Variants in TENM4 observed in about 807,000 individuals in gnomAD.
The protein encoded by TENM4 is teneurin-4.
A neutral mutation model predicts 243.3 loss-of-function variants in TENM4; 82 were observed. That is an observed-to-expected ratio of 0.34 (90% confidence interval 0.28 to 0.40). The LOEUF (loss-of-function observed/expected upper bound fraction) is 0.40. TENM4 is among the 10% of genes least tolerant of loss of function. The pLI is 1.00. For missense variants in TENM4, 3,138 were observed against 3,673.3 expected (o/e 0.85, Z 3.77); for synonymous variants, 1,412 against 1,456.3 (o/e 0.97, Z 0.69).
At chr11:78,765,232 T>G (rs1429891798) in intron 18 of TENM4, among the ~76,000 whole-genome samples, 1 of 152,254 alleles carries the variant, frequency 6.6e-6, no homozygotes, top group Non-Finnish European at 1.5e-5. Context: ...TGTCATTTGC[T>G]ATAATAAATT....
In TENM4 at chr11:78,670,504, G is replaced by A. The variant is rs752252798; in HGVS notation, c.5841C>T (p.Phe1947=). Residue 1947 remains phenylalanine (F), a synonymous_variant, in exon 32 of 34, where the codon TTC becomes TTT. Coordinates refer to ENST00000278550, the MANE Select transcript of TENM4 (RefSeq NM_001098816.3). The part of the protein sequence containing the change: ...LHSQRQYIFE[F]DKNDRLSSVT... Reference sequence around the variant, plus strand: ...CAGAAGAGAGGCGGTCATTCTTGTCGAACTCAAAGATATACTGCCTCTGGC... The same window carrying A: ...CAGAAGAGAGGCGGTCATTCTTGTCAAACTCAAAGATATACTGCCTCTGGC... 6 of 1,613,068 alleles carry A rather than the reference G, an allele frequency of 3.7e-6. No individual in the cohort carries two copies. The highest frequency in any genetic ancestry group is 1.7e-5 in the Admixed American group (1 of 59,962).
At chr11:79,142,295 A>G (rs1292323822) in intron 4 of TENM4, among the ~76,000 whole-genome samples, 1 of 152,148 alleles carries the variant, frequency 6.6e-6, no homozygotes, top group Non-Finnish European at 1.5e-5. Flanking sequence ...GCAGGGTACA[A>G]AATCAATGTA....
intron 1 of TENM4, among the ~76,000 whole-genome samples, chr11:79,418,026 G>C (rs1387950496): frequency 6.6e-6 from 1 of 152,124 alleles, no homozygotes; most frequent in Admixed American, 6.5e-5. Flanking sequence ...ACTTTAAACG[G>C]TGTATGTATC....
At chr11:78,775,448 T>C (rs969277104) in intron 17 of TENM4, among the ~76,000 whole-genome samples, 15 of 152,230 alleles carry the variant, frequency 9.9e-5, no homozygotes, top group African/African-American at 3.4e-4. Context: ...GAATCACAAA[T>C]GTGGAAATCC....
chr11:79,293,531 A>AG (rs1484808751), intron 2 of TENM4, among the ~76,000 whole-genome samples: 3 of 151,536 alleles, frequency 2.0e-5, no homozygotes, highest in Non-Finnish European at 3.0e-5. Flanking sequence ...GAAAAAAAAA[A>AG]AGAAAAAAAA....
intron 1 of TENM4, among the ~76,000 whole-genome samples, chr11:79,403,585 G>A (rs1034700803): frequency 2.0e-5 from 3 of 152,106 alleles, no homozygotes; most frequent in Admixed American, 6.6e-5. Flanking sequence ...AAACTAAATT[G>A]CAATGCTGTT....
intron 12 of TENM4, among the ~76,000 whole-genome samples, chr11:78,835,922 G>A (rs552762325): frequency 6.6e-6 from 1 of 152,228 alleles, no homozygotes; most frequent in Non-Finnish European, 1.5e-5. Flanking sequence ...CCTGACCAGA[G>A]TGCAAGGCAT....
chr11:79,122,819 A>G (rs1861770440), intron 4 of TENM4, among the ~76,000 whole-genome samples: 1 of 152,210 alleles, frequency 6.6e-6, no homozygotes, highest in Non-Finnish European at 1.5e-5. Context: ...AGGTCAGGAG[A>G]ACTCTACACA....
At chr11:79,271,568 G>T (rs998195185) in intron 2 of TENM4, among the ~76,000 whole-genome samples, 2 of 152,196 alleles carry the variant, frequency 1.3e-5, no homozygotes, top group African/African-American at 4.8e-5. Context: ...CCTCATGAGG[G>T]GAAAGGCAGG....
At chr11:78,952,466 G>A (rs1377490673) in intron 6 of TENM4, among the ~76,000 whole-genome samples, 1 of 152,194 alleles carries the variant, frequency 6.6e-6, no homozygotes, top group Admixed American at 6.5e-5. Flanking sequence ...CGTGAGGGAT[G>A]GATTAAAGGG....
At chr11:78,835,503 T>TCAAA (rs370149036) in intron 12 of TENM4, among the ~76,000 whole-genome samples, 19 of 152,108 alleles carry the variant, frequency 1.2e-4, no homozygotes, top group East Asian at 1.2e-3. Context: ...AGACTCTGTC[T>TCAAA]CAAACAAACA....
At chr11:79,153,363 C>G (rs911465214) in intron 3 of TENM4, among the ~76,000 whole-genome samples, 1 of 152,186 alleles carries the variant, frequency 6.6e-6, no homozygotes, top group African/African-American at 2.4e-5. Context: ...CTGACCAAAG[C>G]ACTGTAGAAC....
At chr11:78,896,467 A>C (rs1252418668) in intron 7 of TENM4, among the ~76,000 whole-genome samples, 1 of 152,058 alleles carries the variant, frequency 6.6e-6, no homozygotes, top group South Asian at 2.1e-4. Context: ...CTAGCTATTC[A>C]CCCTCATGTC....
chr11:79,318,335 G>A (rs1213733906), intron 1 of TENM4, among the ~76,000 whole-genome samples: 3 of 152,304 alleles, frequency 2.0e-5, no homozygotes, highest in Non-Finnish European at 2.9e-5. Context: ...GCTAGGAAGA[G>A]ACACATTTCA....
intron 29 of TENM4, among the ~76,000 whole-genome samples, chr11:78,677,019 T>A (rs182479552): frequency 3.3e-5 from 5 of 152,164 alleles, no homozygotes; most frequent in Admixed American, 3.3e-4. Flanking sequence ...GTATGGGATT[T>A]CTCTTTGCGG....
At chr11:79,122,400 A>T (rs1020064586) in intron 4 of TENM4, among the ~76,000 whole-genome samples, 7 of 152,160 alleles carry the variant, frequency 4.6e-5, no homozygotes, top group Non-Finnish European at 8.8e-5. Context: ...GGTGATTTTT[A>T]AAAAGTGGGG....
intron 9 of TENM4, among the ~76,000 whole-genome samples, chr11:78,866,029 T>C (rs1431108280): frequency 6.6e-6 from 1 of 152,250 alleles, no homozygotes; most frequent in Non-Finnish European, 1.5e-5. Flanking sequence ...CTGACATTTA[T>C]TGAGCACCTT....
chr11:78,733,700 T>A (rs1392410426), intron 20 of TENM4, among the ~76,000 whole-genome samples: 2 of 152,182 alleles, frequency 1.3e-5, no homozygotes, highest in Non-Finnish European at 2.9e-5. Flanking sequence ...TTTCTGACAC[T>A]GCCCAGCCCC....
chr11:79,199,989 G>A (rs1338754443), intron 3 of TENM4, among the ~76,000 whole-genome samples: 2 of 152,248 alleles, frequency 1.3e-5, no homozygotes, highest in East Asian at 1.9e-4. Flanking sequence ...CCAAGGTCAC[G>A]GTGAGGCTGA....
Sources: gnomAD v4.1 joint callset for allele counts (sites outside exome capture counted in the v4.1 genomes callset) on GRCh38, gnomAD v4.1.1 for gene constraint, MANE v1.5 for transcripts, NCBI Gene and HGNC (gene_info 2026-07-23, HGNC 2026-07-21) for gene names.